PTPRD: variants seen among roughly 807,000 people sequenced by gnomAD.
The protein encoded by PTPRD is protein tyrosine phosphatase receptor type D.
Under a neutral mutation model 214.5 loss-of-function variants are expected in PTPRD, and 34 were observed. That is an observed-to-expected ratio of 0.16 (90% CI 0.12 to 0.21). The LOEUF (loss-of-function observed/expected upper bound fraction) is 0.21, where lower values mean the gene tolerates loss of function less well. PTPRD is among the 10% of genes least tolerant of loss of function. PTPRD has a pLI of 1.00. For synonymous variants in PTPRD, 1,128 were observed against 845.7 expected, an observed-to-expected ratio of 1.33 and a Z score of -5.79; for missense variants, 2,545 against 2,398.7, an observed-to-expected ratio of 1.06 and a Z score of -1.27.
chr9:10,312,503 T>C lies in PTPRD; in HGVS notation c.-545+28460A>G, dbSNP rs1362989238. Among the ~76,000 whole-genome samples, 3 of 151,984 alleles carry C rather than the reference T, an allele frequency of 2.0e-5. No homozygotes were observed. The East Asian group carries it at 5.8e-4, about 29-fold the overall frequency. ...AGGAAAACTCTAATAAGGTATTTTA[T>C]AAAAACCTATCATAAGAAGTTTTAA... On this transcript the variant is annotated intron_variant, in intron 3 of 45. Transcript: ENST00000381196.
intron 9 of PTPRD, among the ~76,000 whole-genome samples, chr9:9,239,276 T>A (rs980343941): frequency 1.1e-4 from 17 of 151,888 alleles, no homozygotes; most frequent in Admixed American, 8.5e-4. Flanking sequence ...TCATGTGATA[T>A]GAGATAATCC....
At chr9:9,006,987 C>A (rs2099473962) in intron 11 of PTPRD, among the ~76,000 whole-genome samples, 1 of 151,872 alleles carries the variant, frequency 6.6e-6, no homozygotes, top group Non-Finnish European at 1.5e-5. Flanking sequence ...AGAAAATGGA[C>A]TATTTGTAAC....
At chr9:9,321,319 G>T (rs1966366688) in intron 9 of PTPRD, among the ~76,000 whole-genome samples, 1 of 152,148 alleles carries the variant, frequency 6.6e-6, no homozygotes, top group Admixed American at 6.5e-5. Context: ...ACTTTGGGAG[G>T]CCGAGGCGGG....
chr9:10,461,855 C>T (rs2131320379), intron 2 of PTPRD, among the ~76,000 whole-genome samples: 1 of 152,218 alleles, frequency 6.6e-6, no homozygotes, highest in South Asian at 2.1e-4. Context: ...CTCCTGACCT[C>T]AGGTAATCCG....
chr9:9,949,530 A>T (rs1219362203), intron 4 of PTPRD, among the ~76,000 whole-genome samples: 1 of 152,046 alleles, frequency 6.6e-6, no homozygotes, highest in African/African-American at 2.4e-5. Context: ...GGAGTTAATG[A>T]TTTATTTTCC....
intron 11 of PTPRD, among the ~76,000 whole-genome samples, chr9:9,003,487 T>C (rs2099433040): frequency 6.6e-6 from 1 of 152,062 alleles, no homozygotes; most frequent in Non-Finnish European, 1.5e-5. Context: ...GTTTTAGAAA[T>C]ACAGACTCCA....
chr9:9,429,831 G>C (rs543344919), intron 8 of PTPRD, among the ~76,000 whole-genome samples: 1 of 151,774 alleles, frequency 6.6e-6, no homozygotes, highest in African/African-American at 2.4e-5. Context: ...TGCAGAAAAG[G>C]CCTTTGACAA....
rs186264351 is a variant in PTPRD at position 10,130,063 on chromosome 9, G to C, written c.-544-96273C>G. Among the ~76,000 whole-genome samples, 141 of 151,524 alleles carry C rather than the reference G, an allele frequency of 9.3e-4. 1 individual carries two copies. Among genetic ancestry groups the C allele is most frequent in the Admixed American group, 2.0e-3 (31 of 15,174 alleles). On this transcript the variant is annotated intron_variant, in intron 3 of 45. Coordinates refer to ENST00000381196, the MANE Select transcript of PTPRD (RefSeq NM_002839.4). Reference sequence around the variant, plus strand: ...TAGTTTGATTTGTTTTTTTGATTTTGATAAGGATGTTTACAGACTTCAGAC... The same window carrying C: ...TAGTTTGATTTGTTTTTTTGATTTTCATAAGGATGTTTACAGACTTCAGAC...
At position 8,493,029 on chromosome 9, in the gene PTPRD, T is replaced by A. The variant is rs368864601; in HGVS notation, c.2350-50A>T. On this transcript the variant is annotated intron_variant, in intron 26 of 45. Coordinates refer to ENST00000381196, the MANE Select transcript of PTPRD (RefSeq NM_002839.4). ...CTGATTCAAAACATGCTACTAATGC[T>A]CTGGGGGAAAAACAAGGCCGTCTGC... 2.8e-5 allele frequency: 41 copies of A among 1,478,328 alleles called. No individual in the cohort carries two copies. In the African/African-American group the frequency reaches 4.7e-4, roughly 17 times the overall value. 91.6% of individuals were successfully genotyped at this position (1,478,328 alleles called of 1,614,324 possible). A position where few individuals can be genotyped will look rare whatever the true frequency, so the allele number is the denominator to read the frequency against.
At chr9:9,563,820 T>C (rs752319080) in intron 8 of PTPRD, among the ~76,000 whole-genome samples, 9 of 152,148 alleles carry the variant, frequency 5.9e-5, no homozygotes, top group African/African-American at 1.9e-4. Flanking sequence ...AGAACTAGAA[T>C]TGACTCATAT....
At chr9:9,052,778 C>T (rs978152370) in intron 10 of PTPRD, among the ~76,000 whole-genome samples, 1 of 152,156 alleles carries the variant, frequency 6.6e-6, no homozygotes, top group African/African-American at 2.4e-5. Flanking sequence ...AGTTTGTAAG[C>T]TGCATTAGGA....
chr9:9,680,453 A>C (rs1019246902), intron 7 of PTPRD, among the ~76,000 whole-genome samples: 2 of 151,886 alleles, frequency 1.3e-5, no homozygotes, highest in Non-Finnish European at 2.9e-5. Context: ...TCTAGGTTTA[A>C]AAGTTCATAA....
chr9:10,331,318 G>C (rs1391073828), intron 3 of PTPRD, among the ~76,000 whole-genome samples: 1 of 151,736 alleles, frequency 6.6e-6, no homozygotes, highest in Non-Finnish European at 1.5e-5. Context: ...AAGCTAAAAG[G>C]GCATTGAGAA....
intron 7 of PTPRD, among the ~76,000 whole-genome samples, chr9:9,711,010 G>A (rs776909776): frequency 6.6e-6 from 1 of 152,040 alleles, no homozygotes. Flanking sequence ...ACACGACAAC[G>A]TGTGAATGTG....
At chr9:9,147,018 C>T (rs2099869688) in intron 10 of PTPRD, among the ~76,000 whole-genome samples, 1 of 151,910 alleles carries the variant, frequency 6.6e-6, no homozygotes, top group Non-Finnish European at 1.5e-5. Flanking sequence ...ATTCTTGAAC[C>T]CAGTGTGTGT....
At chr9:10,611,850 G>A (rs1470421722) in intron 2 of PTPRD, among the ~76,000 whole-genome samples, 1 of 151,146 alleles carries the variant, frequency 6.6e-6, no homozygotes, top group Non-Finnish European at 1.5e-5. Flanking sequence ...TGAAGAAATC[G>A]CAACAGAATT....
At chr9:8,894,910 C>A (rs2196066) in intron 11 of PTPRD, among the ~76,000 whole-genome samples, 77,932 of 152,020 alleles carry the variant, frequency 0.51, 21,687 homozygotes, top group East Asian at 0.8. Flanking sequence ...AGAGACAACA[C>A]ACAATTTGGA....
At chr9:10,152,262 G>C (rs947379217) in intron 3 of PTPRD, among the ~76,000 whole-genome samples, 2 of 151,866 alleles carry the variant, frequency 1.3e-5, no homozygotes, top group African/African-American at 4.8e-5. Context: ...ATCTGTATTT[G>C]CCTAGTGAAA....
intron 11 of PTPRD, among the ~76,000 whole-genome samples, chr9:9,014,185 TTGTTTG>T (rs746591552): frequency 7.0e-6 from 1 of 143,016 alleles, no homozygotes; most frequent in Non-Finnish European, 1.5e-5. Context: ...TCGTTTTTTT[TTGTTTG>T]TTTGTTTGTT....
Sources: allele counts gnomAD v4.1 joint callset (sites outside exome capture counted in the v4.1 genomes callset), GRCh38; gene constraint gnomAD v4.1.1; transcripts MANE v1.5; gene names NCBI Gene and HGNC (gene_info 2026-07-23, HGNC 2026-07-21).